The following ZNF730 variants were observed in gnomAD, a reference collection of about 807,000 sequenced individuals.
ZNF730 encodes the protein putative zinc finger protein 730.
A neutral mutation model predicts 12.6 loss-of-function variants in ZNF730; 12 were observed. That is an observed-to-expected ratio of 0.95 (90% confidence interval 0.61 to 1.54). ZNF730 has a LOEUF of 1.54. Ranked by LOEUF, ZNF730 falls within the 40% of genes most tolerant of loss-of-function variation. The pLI, the probability that ZNF730 is intolerant of heterozygous loss-of-function variation, is 0.00. For synonymous variants in ZNF730, 194 were observed against 195.8 expected, an observed-to-expected ratio of 0.99 and a Z score of 0.08; for missense variants, 643 against 583.5, an observed-to-expected ratio of 1.10 and a Z score of -1.05.
intron 1 of ZNF730, among the ~76,000 whole-genome samples, chr19:23,101,214 G>T (rs1237894725): frequency 6.0e-5 from 2 of 33,596 alleles, no homozygotes; most frequent in East Asian, 2.0e-3. Context: ...AGTAAAGATT[G>T]TCATTCTCCC....
Position 23,134,173 on chromosome 19 carries a change from A to G in ZNF730, c.97A>G (p.Met33Val), listed in dbSNP as rs1176228429. Residue 33 changes from methionine (M) to valine (V), a missense_variant, in exon 2 of 4, where the codon ATG becomes GTG. Transcript: ENST00000597761. ...TEQQNLYRNV[M>V]LDNYRNLVFL... ...ACAACAGAATTTATATAGAAATGTAATGTTAGATAACTACAGAAACCTGGT... is the reference window on the plus strand; with the variant it reads ...ACAACAGAATTTATATAGAAATGTAGTGTTAGATAACTACAGAAACCTGGT... The G allele has an allele frequency of 6.2e-7, 1 of 1,612,474 alleles. No homozygotes were observed. The highest frequency in any genetic ancestry group is 8.5e-7 in the Non-Finnish European group (1 of 1,179,182).
intron 3 of ZNF730, among the ~76,000 whole-genome samples, chr19:23,137,002 C>T (rs144675937): frequency 1.3e-5 from 2 of 152,068 alleles, no homozygotes; most frequent in South Asian, 2.1e-4. Flanking sequence ...AACCCTGTCT[C>T]TACTAAAAAT....
At chr19:23,141,363 C>G (rs1970916581) in intron 3 of ZNF730, among the ~76,000 whole-genome samples, 1 of 151,554 alleles carries the variant, frequency 6.6e-6, no homozygotes, top group South Asian at 2.1e-4. Flanking sequence ...CCACTGCACT[C>G]CAACGTGGGT....
intron 1 of ZNF730, among the ~76,000 whole-genome samples, chr19:23,101,499 C>T (rs1023298669): frequency 6.6e-6 from 1 of 152,236 alleles, no homozygotes; most frequent in African/African-American, 2.4e-5. Context: ...GGAATTTCTA[C>T]TCTAATTCCT....
chr19:23,116,419 T>C (rs867947312), upstream of ZNF730, among the ~76,000 whole-genome samples: 22 of 151,446 alleles, frequency 1.5e-4, no homozygotes, highest in Admixed American at 3.9e-4. Context: ...CTTCCTCCTT[T>C]CCTTCCTTCC....
At chr19:23,134,254 A>C in intron 2 of ZNF730, 48 bp downstream of exon 2, 3 of 1,425,772 alleles carry the variant, frequency 2.1e-6, no homozygotes, top group Non-Finnish European at 2.8e-6. Flanking sequence ...TATAGATTTC[A>C]TTTATTTTTG....
intron 1 of ZNF730, among the ~76,000 whole-genome samples, chr19:23,103,635 G>A (rs924775195): frequency 3.3e-5 from 5 of 152,120 alleles, no homozygotes; most frequent in Non-Finnish European, 4.4e-5. Flanking sequence ...TAAAAGAGAG[G>A]TAAACAGAAT....
chr19:23,133,945 T>G, intron 1 of ZNF730, 135 bp from the exon 2 acceptor site: 1 of 997,726 alleles, frequency 1.0e-6, no homozygotes, highest in Non-Finnish European at 1.4e-6. Context: ...ATTTCTGTGT[T>G]GAAGGTTATT....
chr19:23,091,274 G>A (rs1467904838), intron 1 of ZNF730, among the ~76,000 whole-genome samples: 1 of 152,216 alleles, frequency 6.6e-6, no homozygotes, highest in African/African-American at 2.4e-5. Context: ...GCAACACGTG[G>A]ATATCCGGGC....
intron 3 of ZNF730, 113 bp downstream of exon 3, chr19:23,136,156 TTC>T (rs934278689): frequency 5.3e-5 from 38 of 714,386 alleles, no homozygotes; most frequent in East Asian, 7.8e-5. Flanking sequence ...AGGAAATAGT[TTC>T]TGTTTCTTTT....
chr19:23,078,380 T>TA (rs1969904030), intron 1 of ZNF730, among the ~76,000 whole-genome samples: 2 of 152,158 alleles, frequency 1.3e-5, no homozygotes, highest in South Asian at 4.1e-4. Flanking sequence ...AAAACTGCCT[T>TA]AAGGCTGCAG....
chr19:23,110,713 G>A (rs771668023), intron 1 of ZNF730, among the ~76,000 whole-genome samples: 3 of 152,202 alleles, frequency 2.0e-5, no homozygotes, highest in Non-Finnish European at 4.4e-5. Flanking sequence ...GGGTAAAGTC[G>A]AGTATAGGTT....
chr19:23,123,197 T>G (rs907476281), intron 1 of ZNF730: 10 of 152,200 alleles, frequency 6.6e-5, no homozygotes, highest in Admixed American at 5.2e-4. Context: ...CAAAAAGTGC[T>G]GGTGAAAATT....
chr19:23,142,499 C>T (rs185045293), intron 3 of ZNF730, among the ~76,000 whole-genome samples: 92 of 151,844 alleles, frequency 6.1e-4, no homozygotes, highest in East Asian at 3.5e-3. Flanking sequence ...CTGGCTAACA[C>T]GGAGAAATCC....
chr19:23,127,352 A>G, intron 1 of ZNF730: 2 of 706,546 alleles, frequency 2.8e-6, no homozygotes, highest in Non-Finnish European at 5.2e-6. Flanking sequence ...CACATGACAT[A>G]GGAACACTTC....
intron 1 of ZNF730, among the ~76,000 whole-genome samples, chr19:23,101,100 A>G (rs1970331136): frequency 6.6e-6 from 1 of 152,248 alleles, no homozygotes; most frequent in Non-Finnish European, 1.5e-5. Context: ...AAGGTCACAG[A>G]GGATTACCAC....
chr19:23,085,836 C>CT (rs556123915), intron 1 of ZNF730, among the ~76,000 whole-genome samples: 5,692 of 54,826 alleles, frequency 0.1, 1,646 homozygotes, highest in Non-Finnish European at 0.14. Flanking sequence ...ATTTTTTTTT[C>CT]TTTTTTTTTT....
chr19:23,091,994 T>G lies in ZNF730; in HGVS notation c.-94+16607T>G, dbSNP rs1300018319. ...CCCATTCAAATCTCAACTTGAGTTG[T>G]GTATCCCAGAAGTCCCGTGTTTTGT... On this transcript the variant is annotated intron_variant, in intron 1 of 2. Transcript: ENST00000593635. Among the ~76,000 whole-genome samples the G allele has an allele frequency of 2.0e-5, 3 of 152,176 alleles. No homozygotes were observed. The South Asian group carries it at 6.2e-4, about 31-fold the overall frequency.
chr19:23,129,491 T>C (rs1970715612), intron 1 of ZNF730, among the ~76,000 whole-genome samples: 1 of 152,066 alleles, frequency 6.6e-6, no homozygotes, highest in Non-Finnish European at 1.5e-5. Context: ...TGCTTGATTT[T>C]GGACTCGCAT....
Sources: gnomAD v4.1 joint callset for allele counts (sites outside exome capture counted in the v4.1 genomes callset) on GRCh38, gnomAD v4.1.1 for gene constraint, MANE v1.5 for transcripts, NCBI Gene and HGNC (gene_info 2026-07-23, HGNC 2026-07-21) for gene names.